The following NRDC variants were observed in gnomAD, a reference collection of about 807,000 sequenced individuals.
NRDC encodes nardilysin convertase.
NRDC carries 54 observed loss-of-function variants against 147.1 expected under a neutral mutation model. That is an observed-to-expected ratio of 0.37 (90% CI 0.29 to 0.46). The LOEUF is 0.46. NRDC is among the 20% of genes least tolerant of loss of function. NRDC has a pLI of 1.00. For missense variants in NRDC, 1,082 were observed against 1,370.6 expected (o/e 0.79, Z 3.33); for synonymous variants, 440 against 482.1 (o/e 0.91, Z 1.14).
Position 51,840,245 on chromosome 1 carries a change from T to A in NRDC, c.611A>T (p.Lys204Ile). Reference protein sequence around the residue: ...EELEERAEARKKTTEKQSAAA... With the variant: ...EELEERAEARIKTTEKQSAAA... Reference sequence around the variant, plus strand: ...TCGCACCTGTTTTTCAGTAGTTTTTTTTCTAGCTTCTGCTCTCTCTTCTAA... The same window carrying A: ...TCGCACCTGTTTTTCAGTAGTTTTTATTCTAGCTTCTGCTCTCTCTTCTAA... Residue 204 changes from lysine (K) to isoleucine (I), a missense_variant, in exon 2 of 31, where the codon AAA becomes ATA. This residue lies in a region of NRDC where 260 missense variants were observed against 253.2 expected (regional missense o/e 1.03). Coordinates refer to ENST00000352171, the MANE Select transcript of NRDC (RefSeq NM_001101662.2). 6.3e-7 allele frequency: 1 copy of A among 1,595,948 alleles called. No individual in the cohort carries two copies. Among genetic ancestry groups the A allele is most frequent in the Non-Finnish European group, 8.5e-7 (1 of 1,172,916 alleles).
intron 1 of NRDC, among the ~76,000 whole-genome samples, chr1:51,869,239 G>A (rs761074303): frequency 3.9e-5 from 6 of 152,124 alleles, no homozygotes; most frequent in African/African-American, 4.8e-5. Context: ...GAACCAGCGC[G>A]CCCAGCCAGG....
chr1:51,857,261 A>C (rs977955994), intron 1 of NRDC, among the ~76,000 whole-genome samples: 2 of 152,220 alleles, frequency 1.3e-5, no homozygotes, highest in Non-Finnish European at 2.9e-5. Flanking sequence ...AACTGTTCAA[A>C]CTATGTTCAA....
chr1:51,849,772 C>CGCCATTGCACTCCA (rs1681847475), intron 1 of NRDC, among the ~76,000 whole-genome samples: 1 of 151,772 alleles, frequency 6.6e-6, no homozygotes, highest in African/African-American at 2.4e-5. Context: ...GCCGAGATCG[C>CGCCATTGCACTCCA]GCCATTGCAC....
intron 26 of NRDC, 81 bp downstream of exon 26, chr1:51,791,965 C>T: frequency 2.8e-6 from 4 of 1,414,632 alleles, no homozygotes; most frequent in East Asian, 2.3e-5. Flanking sequence ...ACAGGCTGCT[C>T]AGTAGGGATA....
At chr1:51,825,710 CT>C (rs1680413183) in intron 5 of NRDC, among the ~76,000 whole-genome samples, 1 of 152,098 alleles carries the variant, frequency 6.6e-6, no homozygotes, top group South Asian at 2.1e-4. Context: ...AATATTAATC[CT>C]TTTATCTGGG....
chr1:51,795,041 A>C (rs1254215470), intron 22 of NRDC, 187 bp from the exon 23 acceptor site: 1 of 1,467,226 alleles, frequency 6.8e-7, no homozygotes, highest in African/African-American at 1.4e-5. Context: ...TTTGTGGAAC[A>C]CTAAGCAGCT....
rs58992371 is a variant in NRDC, at chr1:51,804,939, A to G, written c.2162+571T>C. 4.2e-3 allele frequency among the ~76,000 whole-genome samples: 617 copies of G among 147,378 alleles called. 13 individuals are homozygous for G. The highest frequency in any genetic ancestry group is 0.039 in the Admixed American group (582 of 14,908). ...GTTCAGACACATTTCCGAAGTATCA[A>G]CTACGTTCAGACACATTTCCCAAGT... On this transcript the variant is annotated intron_variant, in intron 19 of 30. Transcript: ENST00000352171.
intron 1 of NRDC, among the ~76,000 whole-genome samples, chr1:51,869,431 T>C (rs941851656): frequency 1.3e-5 from 2 of 152,190 alleles, no homozygotes; most frequent in African/African-American, 4.8e-5. Context: ...ATCGTTTCTG[T>C]ACATATATAT....
chr1:51,806,699 G>T, intron 18 of NRDC, 95 bp downstream of exon 18: 5 of 1,337,370 alleles, frequency 3.7e-6, no homozygotes, highest in Non-Finnish European at 5.2e-6. Context: ...CACAAAGGAA[G>T]ATCAAAATAG....
intron 22 of NRDC, among the ~76,000 whole-genome samples, chr1:51,796,591 CTTT>C (rs10716980): frequency 1.4e-5 from 2 of 143,140 alleles, no homozygotes. Context: ...ATAATCTCAA[CTTT>C]TTTTTTTTTT....
intron 1 of NRDC, among the ~76,000 whole-genome samples, chr1:51,850,947 A>G (rs985688356): frequency 6.6e-6 from 1 of 151,990 alleles, no homozygotes; most frequent in Non-Finnish European, 1.5e-5. Context: ...GGGTGAGCCA[A>G]CTCCGGTTTG....
intron 1 of NRDC, among the ~76,000 whole-genome samples, chr1:51,870,027 T>G (rs1272423712): frequency 1.3e-5 from 2 of 152,222 alleles, no homozygotes; most frequent in Non-Finnish European, 2.9e-5. Flanking sequence ...GGATTACAAG[T>G]ATGTGCCACT....
chr1:51,808,234 C>A (rs1217543074), intron 17 of NRDC, among the ~76,000 whole-genome samples: 1 of 152,160 alleles, frequency 6.6e-6, no homozygotes, highest in African/African-American at 2.4e-5. Context: ...CCACTTCTAG[C>A]TAGTTCCAAA....
intron 2 of NRDC, 63 bp from the exon 3 acceptor site, chr1:51,836,275 T>G: frequency 6.3e-7 from 1 of 1,586,370 alleles, no homozygotes; most frequent in Non-Finnish European, 8.7e-7. Context: ...ATTCGCATCT[T>G]ATCTTAAGGA....
chr1:51,854,140 C>T lies in NRDC; in HGVS notation c.342-13626G>A, dbSNP rs138232068. Among the ~76,000 whole-genome samples the T allele has an allele frequency of 8.0e-3, 1,216 of 152,054 alleles. 17 individuals carry two copies. The highest frequency in any genetic ancestry group is 0.028 in the African/African-American group (1,160 of 41,488). The stretch of plus-strand genomic sequence containing the variant: ...ATCCCAGCACTTTGGGAGGCCGAGG[C>T]GGGTGGATCACGAGGTCAGGAGTTT... On this transcript the variant is annotated intron_variant, in intron 1 of 30. Coordinates refer to ENST00000352171, the MANE Select transcript of NRDC (RefSeq NM_001101662.2).
chr1:51,789,246 A>G lies in NRDC; in HGVS notation c.3446T>C (p.Ile1149Thr), dbSNP rs1571828351. 6.2e-7 allele frequency: 1 copy of G among 1,613,922 alleles called. No homozygotes were observed. Among genetic ancestry groups the G allele is most frequent in the Non-Finnish European group, 8.5e-7 (1 of 1,179,810 alleles). The change falls in exon 31 of 31, where the codon ATA becomes ACA. Residue 1149 changes from isoleucine (I) to threonine (T), a missense_variant. Transcript: ENST00000352171. ...GTGACTGCAGTTTATTTATTTGACT[A>G]TTTTATGGTAGGGGAGAAGGTTGAG... ...TTLNLLPYHK[I>T]VK
intron 1 of NRDC, among the ~76,000 whole-genome samples, chr1:51,855,062 C>CA (rs1682165059): frequency 6.6e-6 from 1 of 152,200 alleles, no homozygotes; most frequent in Non-Finnish European, 1.5e-5. Flanking sequence ...TAACCAACTG[C>CA]AAATCAGAAA....
intron 18 of NRDC, 81 bp downstream of exon 18, chr1:51,806,713 G>T (rs913203792): frequency 1.6e-5 from 23 of 1,412,934 alleles, no homozygotes; most frequent in Non-Finnish European, 9.7e-6. Context: ...AAAATAGCAA[G>T]TAGATAATCA....
intron 4 of NRDC, among the ~76,000 whole-genome samples, chr1:51,833,432 A>G (rs1253978475): frequency 6.6e-6 from 1 of 150,704 alleles, no homozygotes; most frequent in Non-Finnish European, 1.5e-5. Flanking sequence ...TGGCAAGACC[A>G]TATCTCTTAA....
Sources: gnomAD v4.1 joint callset for allele counts (sites outside exome capture counted in the v4.1 genomes callset) on GRCh38, gnomAD v4.1.1 for gene constraint, gnomAD v4.1.1 regional missense constraint, MANE v1.5 for transcripts, NCBI Gene and HGNC (gene_info 2026-07-23, HGNC 2026-07-21) for gene names.